EGFLAM: variants seen among roughly 807,000 people sequenced by gnomAD.
The protein encoded by EGFLAM is pikachurin.
In EGFLAM, 79 loss-of-function variants were observed where a neutral mutation model predicts 113.1. That is an observed-to-expected ratio of 0.70 (90% CI 0.58 to 0.84). The LOEUF (loss-of-function observed/expected upper bound fraction) is 0.84. Among genes scored for constraint, EGFLAM ranks in the 40% least tolerant of loss-of-function variants. The pLI, the probability that EGFLAM is intolerant of heterozygous loss-of-function variation, is 0.00. For synonymous variants in EGFLAM, 504 were observed against 487.6 expected (o/e 1.03, Z -0.44); for missense variants, 1,265 against 1,291.6 (o/e 0.98, Z 0.32).
At chr5:38,344,384 G>A (rs1188979129) in intron 3 of EGFLAM, among the ~76,000 whole-genome samples, 1 of 151,888 alleles carries the variant, frequency 6.6e-6, no homozygotes, top group Non-Finnish European at 1.5e-5. Context: ...TACTCAGGAG[G>A]CTGAGGCAAG....
intron 1 of EGFLAM, among the ~76,000 whole-genome samples, chr5:38,312,250 T>TC (rs1410046502): frequency 6.6e-6 from 1 of 151,810 alleles, no homozygotes; most frequent in East Asian, 1.9e-4. Context: ...CAGATTTTTT[T>TC]TTTTTTTTTG....
At chr5:38,293,972 T>C (rs1758396488) in intron 1 of EGFLAM, among the ~76,000 whole-genome samples, 2 of 152,202 alleles carry the variant, frequency 1.3e-5, no homozygotes, top group Non-Finnish European at 2.9e-5. Flanking sequence ...TACTGTTTCT[T>C]TCTTTTTAAA....
At position 38,462,903 on chromosome 5, in the gene EGFLAM, T is replaced by A; in HGVS notation, c.2772-5T>A. Reference sequence around the variant, plus strand: ...TTTGTTCTTTTTTGTTTTGGTGTTTTGCAGGGATGGCCAGTCAGGAAAGAT... The same window carrying A: ...TTTGTTCTTTTTTGTTTTGGTGTTTAGCAGGGATGGCCAGTCAGGAAAGAT... On this transcript the variant is annotated splice_polypyrimidine_tract_variant and splice_region_variant and intron_variant, in intron 20 of 21. Transcript: ENST00000322350. 3 of 1,614,112 alleles carry A rather than the reference T, an allele frequency of 1.9e-6. No individual in the cohort carries two copies. The highest frequency in any genetic ancestry group is 2.2e-5 in the East Asian group (1 of 44,880).
chr5:38,288,151 A>G (rs1275074574), intron 1 of EGFLAM, among the ~76,000 whole-genome samples: 1 of 152,206 alleles, frequency 6.6e-6, no homozygotes, highest in Non-Finnish European at 1.5e-5. Context: ...ATTTTTATTA[A>G]TGTAGTTTTA....
At chr5:38,316,916 A>T (rs1454075884) in intron 1 of EGFLAM, among the ~76,000 whole-genome samples, 2 of 152,238 alleles carry the variant, frequency 1.3e-5, no homozygotes, top group African/African-American at 4.8e-5. Flanking sequence ...GGCCAAGGAC[A>T]GAATGAGCAG....
chr5:38,395,274 C>A (rs1014631462), intron 6 of EGFLAM, among the ~76,000 whole-genome samples: 1 of 140,766 alleles, frequency 7.1e-6, no homozygotes, highest in African/African-American at 2.7e-5. Context: ...GACTGGGTCT[C>A]GGTCTGTCAC....
intron 5 of EGFLAM, among the ~76,000 whole-genome samples, chr5:38,361,213 C>A (rs1006236066): frequency 2.0e-5 from 3 of 152,008 alleles, no homozygotes; most frequent in Non-Finnish European, 4.4e-5. Flanking sequence ...AGCTATTCTA[C>A]CTCCTTACTT....
At position 38,337,568 on chromosome 5, in the gene EGFLAM, C is replaced by G. The variant is rs145406817; in HGVS notation, c.146C>G (p.Thr49Arg). ...ATCAAGCTGGGCGCATTGAACTGTACGGCTTTCAGCATCCAGTGGAAAATG... is the reference window on the plus strand; with the variant it reads ...ATCAAGCTGGGCGCATTGAACTGTAGGGCTTTCAGCATCCAGTGGAAAATG... The part of the protein sequence containing the change: ...LDIKLGALNC[T>R]AFSIQWKMPR... Residue 49 changes from threonine to arginine, a missense_variant, in exon 2 of 22, where the codon ACG becomes AGG. Coordinates refer to ENST00000322350, the MANE Select transcript of EGFLAM (RefSeq NM_152403.4). The G allele has an allele frequency of 6.2e-7, 1 of 1,606,800 alleles. No homozygotes were observed. The highest frequency in any genetic ancestry group is 8.5e-7 in the Non-Finnish European group (1 of 1,176,158).
chr5:38,271,932 A>T (rs768378783), intron 1 of EGFLAM, among the ~76,000 whole-genome samples: 1 of 152,204 alleles, frequency 6.6e-6, no homozygotes, highest in Non-Finnish European at 1.5e-5. Flanking sequence ...ACATTTTCAC[A>T]TTGTGTGATT....
rs1738822783 is a variant in EGFLAM, at chr5:38,324,311, T to C, written c.98-13209T>C. ...GGCCTTTCTGGGTTCACCACCTTTC[T>C]GTACCTAAAACTTATCTCTAGCCCA... On this transcript the variant is annotated intron_variant, in intron 1 of 21. Coordinates refer to ENST00000322350, the MANE Select transcript of EGFLAM (RefSeq NM_152403.4). Among the ~76,000 whole-genome samples, 2 of 152,222 alleles carry C rather than the reference T, an allele frequency of 1.3e-5. 1 individual carries two copies. Among genetic ancestry groups the C allele is most frequent in the South Asian group, 4.1e-4 (2 of 4,832 alleles).
At chr5:38,273,060 C>T (rs959649194) in intron 1 of EGFLAM, among the ~76,000 whole-genome samples, 1 of 151,896 alleles carries the variant, frequency 6.6e-6, no homozygotes, top group Admixed American at 6.5e-5. Flanking sequence ...TTAGAGACCA[C>T]TGTATCTAGT....
At chr5:38,392,382 A>G (rs963097864) in intron 6 of EGFLAM, among the ~76,000 whole-genome samples, 1 of 152,126 alleles carries the variant, frequency 6.6e-6, no homozygotes, top group African/African-American at 2.4e-5. Flanking sequence ...GGTTGATTCC[A>G]TATCTTTGCT....
chr5:38,364,084 T>C (rs567754933), intron 5 of EGFLAM, among the ~76,000 whole-genome samples: 3 of 152,358 alleles, frequency 2.0e-5, no homozygotes, highest in Non-Finnish European at 4.4e-5. Flanking sequence ...ATTCTGAAGA[T>C]ATTTTAATTC....
At chr5:38,455,460 T>C (rs1485392511) in intron 19 of EGFLAM, among the ~76,000 whole-genome samples, 1 of 151,360 alleles carries the variant, frequency 6.6e-6, no homozygotes, top group African/African-American at 2.4e-5. Context: ...GCTTGATACA[T>C]TTAGAATATG....
At chr5:38,321,942 T>G (rs2589804) in intron 1 of EGFLAM, among the ~76,000 whole-genome samples, 13,725 of 152,254 alleles carry the variant, frequency 0.09, 822 homozygotes, top group Admixed American at 0.16. Flanking sequence ...CCTTCTAACC[T>G]GACAAATATA....
intron 1 of EGFLAM, among the ~76,000 whole-genome samples, chr5:38,263,707 G>A (rs917414495): frequency 7.2e-5 from 11 of 152,178 alleles, no homozygotes; most frequent in Middle Eastern, 3.4e-3. Context: ...AGCTTAACCC[G>A]TGGCTGCAAA....
intron 4 of EGFLAM, 25 bp downstream of exon 4, chr5:38,350,643 T>C (rs751269205): frequency 3.1e-5 from 49 of 1,602,692 alleles, no homozygotes; most frequent in Admixed American, 8.4e-5. Flanking sequence ...AATTCATTAA[T>C]AGGTGGCAGG....
At chr5:38,349,002 AC>A (rs1739546431) in intron 3 of EGFLAM, among the ~76,000 whole-genome samples, 2 of 152,292 alleles carry the variant, frequency 1.3e-5, no homozygotes, top group East Asian at 3.9e-4. Flanking sequence ...CGTTTAGATC[AC>A]CGAGTGATTC....
intron 5 of EGFLAM, among the ~76,000 whole-genome samples, chr5:38,361,054 C>T (rs1193337665): frequency 3.4e-5 from 5 of 148,990 alleles, no homozygotes; most frequent in East Asian, 2.0e-4. Context: ...TTAGTAGACA[C>T]GGGGTTTCAC....
Sources: gnomAD v4.1 joint callset for allele counts (sites outside exome capture counted in the v4.1 genomes callset) on GRCh38, gnomAD v4.1.1 for gene constraint, MANE v1.5 for transcripts, NCBI Gene and HGNC (gene_info 2026-07-23, HGNC 2026-07-21) for gene names.